Variants in TBC1D16 observed in about 807,000 individuals in gnomAD.
TBC1D16 encodes CTD-2529O21.1.
Under a neutral mutation model 74.7 loss-of-function variants are expected in TBC1D16, and 58 were observed. The observed-to-expected ratio is 0.78, with a 90% confidence interval of 0.63 to 0.97. TBC1D16 has a LOEUF of 0.97. TBC1D16 is among the 50% of genes least tolerant of loss of function. The pLI, the probability that TBC1D16 is intolerant of heterozygous loss-of-function variation, is 0.00. For synonymous variants in TBC1D16, 493 were observed against 474.7 expected (o/e 1.04, Z -0.50); for missense variants, 1,014 against 1,079.5 (o/e 0.94, Z 0.85).
chr17:79,943,245 C>T (rs370941386), intron 10 of TBC1D16, among the ~76,000 whole-genome samples: 1 of 152,162 alleles, frequency 6.6e-6, no homozygotes, highest in Non-Finnish European at 1.5e-5. Flanking sequence ...TTGGCTCTGA[C>T]GGATCCTTTT....
intron 1 of TBC1D16, among the ~76,000 whole-genome samples, chr17:80,014,549 A>G (rs1194731838): frequency 6.6e-6 from 1 of 152,184 alleles, no homozygotes; most frequent in Non-Finnish European, 1.5e-5. Flanking sequence ...TTCAACACCC[A>G]ACAAACCAGC....
intron 8 of TBC1D16, among the ~76,000 whole-genome samples, chr17:79,948,394 T>C (rs757190904): frequency 6.6e-6 from 1 of 151,616 alleles, no homozygotes; most frequent in Non-Finnish European, 1.5e-5. Context: ...AGGGGGAACA[T>C]GGCTCTGATT....
chr17:79,952,222 G>T (rs1016167305), intron 4 of TBC1D16: 4 of 161,284 alleles, frequency 2.5e-5, no homozygotes, highest in Admixed American at 2.5e-4. Context: ...CTGGTGTGGG[G>T]AATGACTGCA....
In TBC1D16 at chr17:79,961,394, G is replaced by A. The variant is rs904389529; in HGVS notation, c.780-8576C>T. On this transcript the variant is annotated intron_variant, in intron 3 of 11. Transcript: ENST00000310924. This position sits in a 1 kb window ranked among gnomAD's most constrained non-coding sequence, Gnocchi z 4.8. ...GGAACTGGAACTCTCACGGACTGCT[G>A]GTGGGAATGCAACACGGCAAACCAC... 6.6e-6 allele frequency among the ~76,000 whole-genome samples: 1 copy of A among 152,212 alleles called. No homozygotes were observed. Among genetic ancestry groups the A allele is most frequent in the Non-Finnish European group, 1.5e-5 (1 of 68,046 alleles).
rs1169084611 is a variant in TBC1D16 at position 80,029,698 on chromosome 17, CTT to C, written c.-63+6095_-63+6096del. 1.1e-4 allele frequency among the ~76,000 whole-genome samples: 16 copies of C among 152,332 alleles called. No homozygotes were observed. In the East Asian group the frequency reaches 3.1e-3, roughly 29 times the overall value. On this transcript the variant is annotated intron_variant, in intron 1 of 11. Transcript: ENST00000310924. ...AAGAAATGACACAACCGTCTCCCCT[CTT>C]GTCTCCTTTTGAAAGCCCTCATTCC...
Position 79,936,909 on chromosome 17 carries a change from C to CGCGTGTGTGTGTGT in TBC1D16, c.*3949_*3950insACACACACACACGC, listed in dbSNP as rs141710660. 4.9e-5 allele frequency: 6 copies of CGCGTGTGTGTGTGT among 122,200 alleles called. No homozygotes were observed. Among genetic ancestry groups the CGCGTGTGTGTGTGT allele is most frequent in the African/African-American group, 1.6e-4 (6 of 37,274 alleles). The allele number at this position is 122,200 out of a possible 1,614,324, so 7.6% of individuals were successfully genotyped here. On this transcript the variant is annotated 3_prime_UTR_variant, in exon 12 of 12. Coordinates refer to ENST00000310924, the MANE Select transcript of TBC1D16 (RefSeq NM_019020.4). ...GTGCATGCGTGCGTGTGTGCATGTGCGTGTGTGTGTGTGTGTGTGTGTGTG... is the reference window on the plus strand; with the variant it reads ...GTGCATGCGTGCGTGTGTGCATGTGCGCGTGTGTGTGTGTGTGTGTGTGTGTGTGTGTGTGTGTG...
At chr17:79,991,948 G>A (rs1433068480) in intron 3 of TBC1D16, 1 of 152,162 alleles carries the variant, frequency 6.6e-6, no homozygotes, top group Non-Finnish European at 1.5e-5. Flanking sequence ...CAATTCTGGG[G>A]TGGGAGAAAA....
chr17:79,968,127 G>C (rs2033915976), intron 3 of TBC1D16, among the ~76,000 whole-genome samples: 1 of 152,136 alleles, frequency 6.6e-6, no homozygotes, highest in African/African-American at 2.4e-5. Flanking sequence ...TGAGTAGCTG[G>C]GATTACAGGC....
rs370476450 is a variant in TBC1D16 at position 79,952,700 on chromosome 17, G to T, written c.898C>A (p.Arg300Ser). ...GAGCGCATGTGGCCCAGGTCCACGCGGAACACGCCGCAAATCTGCTCCAGG... is the reference window on the plus strand; with the variant it reads ...GAGCGCATGTGGCCCAGGTCCACGCTGAACACGCCGCAAATCTGCTCCAGG... Reference protein sequence around the residue: ...CALEQICGVFRVDLGHMRSLR... With the variant: ...CALEQICGVFSVDLGHMRSLR... The change falls in exon 4 of 12, where the codon CGC becomes AGC. Residue 300 changes from arginine to serine, a missense_variant. By Grantham distance (110) the Arg-to-Ser change is moderately radical (BLOSUM62 -1). Transcript: ENST00000310924. 1 of 1,610,352 alleles carries T rather than the reference G, an allele frequency of 6.2e-7. No homozygotes were observed. Among genetic ancestry groups the T allele is most frequent in the Non-Finnish European group, 8.5e-7 (1 of 1,177,692 alleles).
Position 79,937,764 on chromosome 17 carries a change from G to A in TBC1D16, c.*3095C>T, listed in dbSNP as rs2031713305. The A allele has an allele frequency of 6.6e-6, 1 of 152,290 alleles. No individual in the cohort carries two copies. Among genetic ancestry groups the A allele is most frequent in the South Asian group, 2.1e-4 (1 of 4,836 alleles). The allele number at this position is 152,290 out of a possible 1,614,324, so 9.4% of individuals were successfully genotyped here. Reference sequence around the variant, plus strand: ...AGTGCTCACCCGACCCCCCAACCCTGGCGGGACCTTCCAGGGCTGGCAAGC... The same window carrying A: ...AGTGCTCACCCGACCCCCCAACCCTAGCGGGACCTTCCAGGGCTGGCAAGC... On this transcript the variant is annotated 3_prime_UTR_variant, in exon 12 of 12. Transcript: ENST00000310924.
At chr17:79,996,939 C>T (rs1296921890) in intron 3 of TBC1D16, among the ~76,000 whole-genome samples, 1 of 152,130 alleles carries the variant, frequency 6.6e-6, no homozygotes, top group Non-Finnish European at 1.5e-5. Context: ...CCGTGGGGTG[C>T]TGCTACTCAG....
intron 3 of TBC1D16, among the ~76,000 whole-genome samples, chr17:79,963,863 C>T (rs1443816050): frequency 6.6e-6 from 1 of 152,218 alleles, no homozygotes; most frequent in Admixed American, 6.5e-5. Context: ...GCTTATCGGG[C>T]ATTCGTGTCT....
At chr17:79,951,355 G>A (rs1045347915) in intron 5 of TBC1D16, 95 bp downstream of exon 5, 12 of 1,452,742 alleles carry the variant, frequency 8.3e-6, no homozygotes, top group Admixed American at 2.1e-5. Context: ...CCCGGGGCCC[G>A]GGGACCCCAG....
In TBC1D16 at chr17:79,950,376, C is replaced by T. The variant is rs768761746; in HGVS notation, c.1257+35G>A. ...GCTCGTTCCCGGTTCCCGGCCGGCT[C>T]TCCGCGGGGCCAGCTGGGCGGACCC... On this transcript the variant is annotated intron_variant, in intron 6 of 11. Transcript: ENST00000310924. The surrounding 1 kb of genome is among the most constrained non-coding windows in gnomAD (Gnocchi z 4.6). 1.3e-5 allele frequency: 20 copies of T among 1,556,208 alleles called. No individual in the cohort carries two copies. In the East Asian group the frequency reaches 4.6e-4, roughly 35 times the overall value.
rs1403649008 is a variant in TBC1D16 at position 79,981,456 on chromosome 17, C to T, written c.780-28638G>A. ...GCTTTCCGGAGAGAAGGGAGGAAGC[C>T]AGGGAAGCTCTGGGTGCCCCCGACA... On this transcript the variant is annotated intron_variant, in intron 3 of 11. Transcript: ENST00000310924. This position sits in a 1 kb window ranked among gnomAD's most constrained non-coding sequence, Gnocchi z 6.9. 1.3e-5 allele frequency among the ~76,000 whole-genome samples: 2 copies of T among 152,230 alleles called. No individual in the cohort carries two copies. The highest frequency in any genetic ancestry group is 2.9e-5 in the Non-Finnish European group (2 of 68,034).
At position 79,971,968 on chromosome 17, in the gene TBC1D16, G is replaced by A. The variant is rs528363694; in HGVS notation, c.780-19150C>T. Reference sequence around the variant, plus strand: ...GGACAGGTCGGAGTGCTCTGAAAACGGCCCTGGCATTGATTTTTAAAAAGG... The same window carrying A: ...GGACAGGTCGGAGTGCTCTGAAAACAGCCCTGGCATTGATTTTTAAAAAGG... On this transcript the variant is annotated intron_variant, in intron 3 of 11. Transcript: ENST00000310924. The surrounding 1 kb of genome is among the most constrained non-coding windows in gnomAD (Gnocchi z 4.6). 5.3e-5 allele frequency among the ~76,000 whole-genome samples: 8 copies of A among 152,196 alleles called. No homozygotes were observed. Among genetic ancestry groups the A allele is most frequent in the South Asian group, 2.1e-4 (1 of 4,814 alleles).
chr17:79,962,415 A>G (rs761313491), intron 3 of TBC1D16, among the ~76,000 whole-genome samples: 21 of 151,406 alleles, frequency 1.4e-4, no homozygotes, highest in Non-Finnish European at 2.7e-4. Flanking sequence ...GGGTTTCACC[A>G]TGTTGGCCAG....
chr17:79,967,686 G>T (rs983607992), intron 3 of TBC1D16, among the ~76,000 whole-genome samples: 1 of 152,188 alleles, frequency 6.6e-6, no homozygotes, highest in African/African-American at 2.4e-5. Context: ...TTGATACACA[G>T]ATTCAACACA....
rs1344991242 is a variant in TBC1D16, at chr17:79,945,071, A to G, written c.1745T>C (p.Leu582Pro). ...MEKQLLYLRELLRLTHVRFYQ... is the reference protein window; with the variant it reads ...MEKQLLYLREPLRLTHVRFYQ... ...GAAGCGCACGTGCGTCAGCCGCAGC[A>G]GCTCGCGCAGGTACAGCTGGGGGTG... Residue 582 changes from leucine (L) to proline (P), a missense_variant, in exon 10 of 12, where the codon CTG becomes CCG. Transcript: ENST00000310924. 1 of 1,583,666 alleles carries G rather than the reference A, an allele frequency of 6.3e-7. No homozygotes were observed.
Sources: gnomAD v4.1 joint callset for allele counts (sites outside exome capture counted in the v4.1 genomes callset) on GRCh38, gnomAD v4.1.1 for gene constraint, Gnocchi (gnomAD v3.1) non-coding constraint, MANE v1.5 for transcripts, NCBI Gene and HGNC (gene_info 2026-07-23, HGNC 2026-07-21) for gene names.